C19orf38: variants seen among roughly 807,000 people sequenced by gnomAD.
C19orf38 encodes the protein protein HIDE1.
C19orf38 carries 14 observed loss-of-function variants against 26.6 expected under a neutral mutation model. The observed-to-expected ratio is 0.53, with a 90% CI of 0.35 to 0.82. The LOEUF is 0.82. Among genes scored for constraint, C19orf38 ranks in the 40% least tolerant of loss-of-function variants. The pLI is 0.01. For synonymous variants in C19orf38, 132 were observed against 128.5 expected, an observed-to-expected ratio of 1.03 and a Z score of -0.18; for missense variants, 261 against 299.5, an observed-to-expected ratio of 0.87 and a Z score of 0.95.
intron 3 of C19orf38, among the ~76,000 whole-genome samples, chr19:10,856,762 C>G (rs1215147000): frequency 1.3e-5 from 2 of 151,774 alleles, no homozygotes; most frequent in Non-Finnish European, 2.9e-5. Context: ...CCTCGGCCTC[C>G]CAAAGTGCTG....
rs368148530 is a variant in C19orf38, at chr19:10,867,179, G to A, written c.544-2039G>A. 4.6e-5 allele frequency among the ~76,000 whole-genome samples: 7 copies of A among 151,888 alleles called. No homozygotes were observed. The South Asian group carries it at 8.3e-4, about 18-fold the overall frequency. ...AGCCCCTGGCACCCACCATTCTCCTGTCTCTGTGGATTTGCCTCTTCTGGA... is the reference window on the plus strand; with the variant it reads ...AGCCCCTGGCACCCACCATTCTCCTATCTCTGTGGATTTGCCTCTTCTGGA... On this transcript the variant is annotated intron_variant, in intron 6 of 6. Coordinates refer to ENST00000397820, the MANE Select transcript of C19orf38 (RefSeq NM_001136482.3).
At chr19:10,846,530 T>C (rs1198348877), upstream of C19orf38, among the ~76,000 whole-genome samples, 1 of 151,576 alleles carries the variant, frequency 6.6e-6, no homozygotes, top group Non-Finnish European at 1.5e-5. Context: ...AAGAATAAAG[T>C]CAAGTCAAAA....
Position 10,848,436 on chromosome 19 carries a change from C to T in C19orf38, c.-73C>T. 6.7e-7 allele frequency: 1 copy of T among 1,498,438 alleles called. No individual in the cohort carries two copies. Among genetic ancestry groups the T allele is most frequent in the Admixed American group, 2.0e-5 (1 of 50,874 alleles). 92.8% of individuals were successfully genotyped at this position (1,498,438 alleles called of 1,614,324 possible). A position where few individuals can be genotyped will look rare whatever the true frequency, so the allele number is the denominator to read the frequency against. ...GGTTCTCCTTTCCCCGATCTGGCCT[C>T]ACAGGAGGAGTTGGCGGGGAGCCTT... is the stretch of plus-strand genomic sequence containing the variant. On this transcript the variant is annotated 5_prime_UTR_variant, in exon 1 of 7. Transcript: ENST00000397820.
At chr19:10,848,368 A>G (rs1344242243), upstream of C19orf38, 3 of 885,262 alleles carry the variant, frequency 3.4e-6, no homozygotes, top group East Asian at 2.7e-5. Flanking sequence ...TGTGTGTGCA[A>G]CTTCCTGCCA....
upstream of C19orf38, among the ~76,000 whole-genome samples, chr19:10,845,566 C>A (rs1387572578): frequency 6.6e-6 from 1 of 152,026 alleles, no homozygotes; most frequent in Non-Finnish European, 1.5e-5. Flanking sequence ...GAAAGGTGTA[C>A]CTTTAAATGC....
At chr19:10,867,515 G>C (rs968867980) in intron 6 of C19orf38, among the ~76,000 whole-genome samples, 1 of 150,828 alleles carries the variant, frequency 6.6e-6, no homozygotes, top group East Asian at 2.0e-4. Context: ...CTACTCGGGA[G>C]GCTTAGGCAG....
At chr19:10,858,934 A>G (rs2073659094) in intron 4 of C19orf38, among the ~76,000 whole-genome samples, 1 of 133,268 alleles carries the variant, frequency 7.5e-6, no homozygotes, top group South Asian at 2.4e-4. Flanking sequence ...GAATATATAT[A>G]TGTTTTTTTT....
Position 10,856,363 on chromosome 19 carries a change from A to G in C19orf38, c.433+6A>G. 1 of 1,549,556 alleles carries G rather than the reference A, an allele frequency of 6.5e-7. No individual in the cohort carries two copies. On this transcript the variant is annotated splice_donor_region_variant and intron_variant, in intron 3 of 6. Coordinates refer to ENST00000397820, the MANE Select transcript of C19orf38 (RefSeq NM_001136482.3). ...TGCCCTGGTGGTCAGAAAAGGTAAC[A>G]GCACGCAAAGCCTGGCACACAAGTT...
intron 1 of C19orf38, chr19:10,842,161 C>T: frequency 6.4e-7 from 1 of 1,570,398 alleles, no homozygotes; most frequent in Non-Finnish European, 8.8e-7. Flanking sequence ...CCAAGCCCAT[C>T]TGAAATGTTC....
At chr19:10,853,023 C>T (rs1400594917) in intron 2 of C19orf38, among the ~76,000 whole-genome samples, 1 of 139,386 alleles carries the variant, frequency 7.2e-6, no homozygotes, top group African/African-American at 2.7e-5. Flanking sequence ...TCAGCCTGGG[C>T]AACATAGTGA....
intron 1 of C19orf38, among the ~76,000 whole-genome samples, chr19:10,838,590 G>A (rs1227689408): frequency 6.6e-6 from 1 of 152,036 alleles, no homozygotes; most frequent in African/African-American, 2.4e-5. Flanking sequence ...ACCCGGGGTC[G>A]TTGTCTCACA....
chr19:10,846,297 C>T (rs538200508), upstream of C19orf38, among the ~76,000 whole-genome samples: 74 of 151,814 alleles, frequency 4.9e-4, no homozygotes, highest in Middle Eastern at 6.8e-3. Flanking sequence ...CCCGGGTTCA[C>T]GCCATTCTCC....
intron 1 of C19orf38, chr19:10,841,815 C>T (rs926716154): frequency 8.0e-7 from 1 of 1,242,262 alleles, no homozygotes; most frequent in Non-Finnish European, 1.2e-6. Context: ...TCCACAAAAA[C>T]ATTTTTTAAA....
intron 5 of C19orf38, among the ~76,000 whole-genome samples, chr19:10,860,627 G>T (rs983578491): frequency 6.7e-6 from 1 of 150,022 alleles, no homozygotes; most frequent in African/African-American, 2.5e-5. Flanking sequence ...GGATCACGAG[G>T]TCAGGAGATC....
rs372320505 is a variant in C19orf38, at chr19:10,861,671, G to A, written c.506-1499G>A. 7.3e-4 allele frequency among the ~76,000 whole-genome samples: 111 copies of A among 152,010 alleles called. 1 individual carries two copies. Among genetic ancestry groups the A allele is most frequent in the Admixed American group, 2.8e-3 (43 of 15,246 alleles). On this transcript the variant is annotated intron_variant, in intron 5 of 6. Coordinates refer to ENST00000397820, the MANE Select transcript of C19orf38 (RefSeq NM_001136482.3). ...CAGCTTACTGCAACCTCTGCCTCCCGGGTTCAAGTGATTCTCCTGCCCCAG... is the reference window on the plus strand; with the variant it reads ...CAGCTTACTGCAACCTCTGCCTCCCAGGTTCAAGTGATTCTCCTGCCCCAG...
intron 3 of C19orf38, among the ~76,000 whole-genome samples, chr19:10,856,802 C>T (rs2073630670): frequency 6.7e-6 from 1 of 149,738 alleles, no homozygotes; most frequent in Non-Finnish European, 1.5e-5. Flanking sequence ...CAGTCCCCGG[C>T]CTAAAAATTT....
intron 1 of C19orf38, among the ~76,000 whole-genome samples, chr19:10,842,703 C>T (rs1282794103): frequency 6.6e-6 from 1 of 152,110 alleles, no homozygotes. Flanking sequence ...CACTACTGCA[C>T]TCCAACCTGT....
chr19:10,860,709 C>T (rs1469481408), intron 5 of C19orf38, among the ~76,000 whole-genome samples: 3 of 150,406 alleles, frequency 2.0e-5, no homozygotes, highest in Non-Finnish European at 4.4e-5. Flanking sequence ...GGCGTGGTGG[C>T]GGGTGCCTGT....
At position 10,851,489 on chromosome 19, in the gene C19orf38, C is replaced by A. The variant is rs537261650; in HGVS notation, c.340+922C>A. Among the ~76,000 whole-genome samples the A allele has an allele frequency of 4.0e-5, 6 of 151,730 alleles. No homozygotes were observed. In the South Asian group the frequency reaches 1.0e-3, roughly 26 times the overall value. On this transcript the variant is annotated intron_variant, in intron 2 of 6. Coordinates refer to ENST00000397820, the MANE Select transcript of C19orf38 (RefSeq NM_001136482.3). ...CTAAGTAGCTGAGACTACAGGTGTG[C>A]ACCACCATGCCCAGCTAATTTAAAA...
Sources: gnomAD v4.1 joint callset for allele counts (sites outside exome capture counted in the v4.1 genomes callset) on GRCh38, gnomAD v4.1.1 for gene constraint, MANE v1.5 for transcripts, NCBI Gene and HGNC (gene_info 2026-07-23, HGNC 2026-07-21) for gene names.